Variants in SLC17A5 observed in about 807,000 individuals in gnomAD.
SLC17A5 encodes solute carrier family 17 member 5.
Under a neutral mutation model 59.4 loss-of-function variants are expected in SLC17A5, and 47 were observed. The observed-to-expected ratio is 0.79, with a 90% CI of 0.63 to 1.01. The LOEUF is 1.01. Among genes scored for constraint, SLC17A5 ranks in the 50% least tolerant of loss-of-function variants. The pLI, the probability that SLC17A5 is intolerant of heterozygous loss-of-function variation, is 0.00. For missense variants in SLC17A5, 522 were observed against 595.5 expected (o/e 0.88, Z 1.28); for synonymous variants, 202 against 210.7 (o/e 0.96, Z 0.36).
chr6:73,644,863 A>T (rs1454249577), intron 1 of SLC17A5, among the ~76,000 whole-genome samples: 2 of 152,236 alleles, frequency 1.3e-5, no homozygotes, highest in Non-Finnish European at 2.9e-5. Context: ...AAAAAATGTT[A>T]AAGAATATTC....
chr6:73,616,131 A>G (rs9442930), intron 7 of SLC17A5, among the ~76,000 whole-genome samples: 57,068 of 151,600 alleles, frequency 0.38, 11,810 homozygotes, highest in African/African-American at 0.55. Flanking sequence ...TGATCCACCC[A>G]CCTTGGCCTC....
intron 9 of SLC17A5, among the ~76,000 whole-genome samples, chr6:73,601,582 A>G (rs1767103219): frequency 1.3e-5 from 1 of 79,150 alleles, no homozygotes; most frequent in Non-Finnish European, 2.4e-5. Flanking sequence ...GGCCGCCCCT[A>G]CTGGGAAGTG....
chr6:73,650,401 C>A (rs1220124369), intron 1 of SLC17A5, among the ~76,000 whole-genome samples: 1 of 141,386 alleles, frequency 7.1e-6, no homozygotes, highest in African/African-American at 2.6e-5. Context: ...CCCAGCTACT[C>A]GGAGGCTGAG....
At chr6:73,625,553 T>C (rs1440364877) in intron 6 of SLC17A5, among the ~76,000 whole-genome samples, 3 of 152,160 alleles carry the variant, frequency 2.0e-5, no homozygotes, top group Non-Finnish European at 4.4e-5. Context: ...AGAGAGAACA[T>C]TGATTCTTTT....
chr6:73,604,067 G>A (rs949649998), intron 9 of SLC17A5, among the ~76,000 whole-genome samples: 2 of 151,890 alleles, frequency 1.3e-5, no homozygotes, highest in Non-Finnish European at 2.9e-5. Context: ...AAACCATGAA[G>A]TACAGATCTT....
chr6:73,619,250 A>G lies in SLC17A5; in HGVS notation c.978+2554T>C, dbSNP rs191924686. ...CCTGAAGTGAGCACATGCTGTTGGA[A>G]AAATGGTGCTAACGGATTTGCTCCA... On this transcript the variant is annotated intron_variant, in intron 7 of 10. Coordinates refer to ENST00000355773, the MANE Select transcript of SLC17A5 (RefSeq NM_012434.5). Among the ~76,000 whole-genome samples the G allele has an allele frequency of 1.6e-3, 244 of 152,326 alleles. 1 individual carries two copies. The highest frequency in any genetic ancestry group is 5.6e-3 in the African/African-American group (233 of 41,586).
chr6:73,653,022 T>C lies in SLC17A5; in HGVS notation c.94+771A>G, dbSNP rs1445393323. The C allele has an allele frequency of 3.0e-6, 3 of 984,508 alleles. No individual in the cohort carries two copies. In the East Asian group the frequency reaches 3.4e-4, roughly 112 times the overall value. 61.0% of individuals were successfully genotyped at this position (984,508 alleles called of 1,614,324 possible). A position where few individuals can be genotyped will look rare whatever the true frequency, so the allele number is the denominator to read the frequency against. ...GAAGATGCTTTATGACGTACCTGCT[T>C]TTCGATTTGTTCCAAGACCTTTGGC... is the stretch of plus-strand genomic sequence containing the variant. On this transcript the variant is annotated intron_variant, in intron 1 of 10. Coordinates refer to ENST00000355773, the MANE Select transcript of SLC17A5 (RefSeq NM_012434.5).
intron 6 of SLC17A5, among the ~76,000 whole-genome samples, chr6:73,625,757 A>G (rs1383798330): frequency 1.3e-5 from 2 of 152,210 alleles, no homozygotes; most frequent in African/African-American, 4.8e-5. Flanking sequence ...GCTGCATATA[A>G]GAATCACCCA....
intron 6 of SLC17A5, among the ~76,000 whole-genome samples, chr6:73,634,642 C>A (rs545046637): frequency 6.6e-6 from 1 of 152,288 alleles, no homozygotes; most frequent in Admixed American, 6.5e-5. Flanking sequence ...TCAGGCGATC[C>A]GCCTGCCTCA....
chr6:73,613,556 G>T (rs1767724953), intron 8 of SLC17A5, among the ~76,000 whole-genome samples: 1 of 152,106 alleles, frequency 6.6e-6, no homozygotes, highest in Non-Finnish European at 1.5e-5. Context: ...AGTAGACAGG[G>T]TTTCACCATG....
Position 73,653,848 on chromosome 6 carries a change from G to C in SLC17A5, c.39C>G (p.Gly13=). 1 of 1,606,838 alleles carries C rather than the reference G, an allele frequency of 6.2e-7. No individual in the cohort carries two copies. The highest frequency in any genetic ancestry group is 8.5e-7 in the Non-Finnish European group (1 of 1,177,556). Residue 13 remains glycine, a synonymous_variant, in exon 1 of 11, where the codon GGC becomes GGG. Coordinates refer to ENST00000355773, the MANE Select transcript of SLC17A5 (RefSeq NM_012434.5). ...GAGGCGTGCGGTCCGTGCTCTCCTC[G>C]CCATCGTTCCGGGCCAGGTCTCGAA... ...SPVRDLARND[G]EESTDRTPLL...
chr6:73,618,588 G>A, intron 7 of SLC17A5: 1 of 511,254 alleles, frequency 2.0e-6, no homozygotes, highest in Non-Finnish European at 3.7e-6. Context: ...TCAGGAGGAA[G>A]CAGCACTAAG....
intron 6 of SLC17A5, among the ~76,000 whole-genome samples, chr6:73,626,363 T>C (rs1768416295): frequency 6.6e-6 from 1 of 152,218 alleles, no homozygotes; most frequent in African/African-American, 2.4e-5. Context: ...GTGAAATGTA[T>C]GTATTCCAGC....
chr6:73,620,607 C>T (rs1189631637), intron 7 of SLC17A5, among the ~76,000 whole-genome samples: 1 of 152,170 alleles, frequency 6.6e-6, no homozygotes, highest in Non-Finnish European at 1.5e-5. Context: ...TCCACATAGC[C>T]AGGCCAATGT....
intron 9 of SLC17A5, among the ~76,000 whole-genome samples, chr6:73,601,575 C>T (rs1175236322): frequency 1.2e-4 from 11 of 94,994 alleles, no homozygotes; most frequent in East Asian, 2.6e-4. Flanking sequence ...TCTGCCCGGC[C>T]GCCCCTACTG....
chr6:73,598,385 C>G (rs765552875), intron 10 of SLC17A5, among the ~76,000 whole-genome samples: 3 of 152,146 alleles, frequency 2.0e-5, no homozygotes, highest in Non-Finnish European at 4.4e-5. Flanking sequence ...TATCCCAGCA[C>G]TTTGGGAGGC....
At position 73,594,947 on chromosome 6, in the gene SLC17A5, T is replaced by C; in HGVS notation, c.*130A>G. On this transcript the variant is annotated 3_prime_UTR_variant, in exon 11 of 11. Transcript: ENST00000355773. Reference sequence around the variant, plus strand: ...GGCAACTAGTGATATTTCATGATTATAGGCCTTAAAAATCTAATACAAGTA... The same window carrying C: ...GGCAACTAGTGATATTTCATGATTACAGGCCTTAAAAATCTAATACAAGTA... The C allele has an allele frequency of 1.1e-6, 1 of 942,306 alleles. No homozygotes were observed. The highest frequency in any genetic ancestry group is 1.4e-5 in the South Asian group (1 of 71,864). The allele number at this position is 942,306 out of a possible 1,614,324, so 58.4% of individuals were successfully genotyped here.
chr6:73,622,993 CTTGT>C (rs532042668), intron 6 of SLC17A5, among the ~76,000 whole-genome samples: 2 of 152,262 alleles, frequency 1.3e-5, no homozygotes, highest in South Asian at 4.1e-4. Flanking sequence ...GGCATCCTCA[CTTGT>C]TTGTTTGCCC....
At chr6:73,652,446 T>C (rs1769916950) in intron 1 of SLC17A5, among the ~76,000 whole-genome samples, 1 of 152,248 alleles carries the variant, frequency 6.6e-6, no homozygotes, top group African/African-American at 2.4e-5. Context: ...AGTGGGTGTA[T>C]AGTGCCTCGT....
Sources: allele counts gnomAD v4.1 joint callset (sites outside exome capture counted in the v4.1 genomes callset), GRCh38; gene constraint gnomAD v4.1.1; transcripts MANE v1.5; gene names NCBI Gene and HGNC (gene_info 2026-07-23, HGNC 2026-07-21).